Variants in MYB observed in about 807,000 individuals in gnomAD.
MYB encodes MYB proto-oncogene, transcription factor, also known as transcriptional activator Myb.
MYB carries 28 observed loss-of-function variants against 92.9 expected under a neutral mutation model. That is an observed-to-expected ratio of 0.30 (90% CI 0.22 to 0.41). MYB has a LOEUF of 0.41. Ranked by LOEUF, MYB falls within the 10% of genes least tolerant of loss-of-function variation. MYB has a pLI of 1.00. For missense variants in MYB, 679 were observed against 929.3 expected (o/e 0.73, Z 3.50); for synonymous variants, 295 against 329.1 (o/e 0.90, Z 1.12).
At chr6:135,189,642 T>A in intron 3 of MYB, 149 bp from the exon 4 acceptor site, 1 of 613,936 alleles carries the variant, frequency 1.6e-6, no homozygotes, top group Non-Finnish European at 2.8e-6. Context: ...AGCCTGTAAG[T>A]AATGAGGGAT....
intron 15 of MYB, among the ~76,000 whole-genome samples, chr6:135,213,004 G>A (rs776104631): frequency 6.6e-5 from 10 of 152,012 alleles, no homozygotes; most frequent in Admixed American, 2.0e-4. Context: ...TGACTTTCAC[G>A]ACATAGGCAT....
chr6:135,195,673 T>C, intron 8 of MYB, 75 bp from the exon 9 acceptor site: 1 of 1,523,696 alleles, frequency 6.6e-7, no homozygotes. Flanking sequence ...TGATACCTTG[T>C]GCAACTTCAT....
At chr6:135,185,153 ACT>A (rs1775748520) in intron 1 of MYB, among the ~76,000 whole-genome samples, 4 of 152,180 alleles carry the variant, frequency 2.6e-5, no homozygotes, top group Non-Finnish European at 5.9e-5. Context: ...AGTAAGTAAG[ACT>A]CTGACTAACA....
rs1040126247 is a variant in MYB, at chr6:135,202,823, G to A, written c.2062-394G>A. On this transcript the variant is annotated intron_variant, in intron 14 of 15. Coordinates refer to ENST00000341911, the MANE Select transcript of MYB (RefSeq NM_001130173.2). ...AATTCCCTACTTTTCACCATTTTTT[G>A]CCAATAATTTATAGCTCTAAAATAT... is the stretch of plus-strand genomic sequence containing the variant. 1.4e-5 allele frequency: 6 copies of A among 417,872 alleles called. No individual in the cohort carries two copies. The East Asian group carries it at 4.1e-4, about 29-fold the overall frequency. The allele number at this position is 417,872 out of a possible 1,614,324, so 25.9% of individuals were successfully genotyped here. A position where few individuals can be genotyped will look rare whatever the true frequency, so the allele number is the denominator to read the frequency against.
intron 15 of MYB, among the ~76,000 whole-genome samples, chr6:135,211,457 T>G (rs1779685732): frequency 6.6e-6 from 1 of 152,032 alleles, no homozygotes; most frequent in Non-Finnish European, 1.5e-5. Context: ...AATTTTTCAT[T>G]TGTTTTGTTT....
Position 135,200,082 on chromosome 6 carries a change from A to C in MYB, c.1710-3A>C. On this transcript the variant is annotated splice_region_variant and splice_polypyrimidine_tract_variant and intron_variant, in intron 11 of 15. Coordinates refer to ENST00000341911, the MANE Select transcript of MYB (RefSeq NM_001130173.2). ...TGAGCCACTGCTTGTTTTCTTTTTA[A>C]AGTTTTAGAACCCCAGCTATCAAAA... 1 of 1,611,076 alleles carries C rather than the reference A, an allele frequency of 6.2e-7. No individual in the cohort carries two copies. Among genetic ancestry groups the C allele is most frequent in the Non-Finnish European group, 8.5e-7 (1 of 1,177,342 alleles).
intron 15 of MYB, among the ~76,000 whole-genome samples, chr6:135,204,368 G>A (rs758785979): frequency 1.3e-5 from 2 of 152,216 alleles, no homozygotes; most frequent in East Asian, 1.9e-4. Context: ...GGGTGATCTC[G>A]GCTCACTGCA....
chr6:135,195,357 C>A, intron 8 of MYB: 1 of 177,528 alleles, frequency 5.6e-6, no homozygotes. Flanking sequence ...CCTGAGTCCT[C>A]TAGCTTTTTT....
Position 135,192,419 on chromosome 6 carries a change from C to T in MYB, c.623C>T (p.Pro208Leu). Residue 208 changes from proline to leucine, a missense_variant, in exon 6 of 16, where the codon CCA becomes CTA. This residue lies in a region of MYB where 37 missense variants were observed against 98.0 expected (regional missense o/e 0.38). Coordinates refer to ENST00000341911, the MANE Select transcript of MYB (RefSeq NM_001130173.2). ...CAGGAGTCTTCAAAAGCCAGCCAGC[C>T]AGCAGTGGCCACAAGCTTCCAGAAG... is the stretch of plus-strand genomic sequence containing the variant. ...YLQESSKASQ[P>L]AVATSFQKNS... 6.2e-7 allele frequency: 1 copy of T among 1,614,226 alleles called. No individual in the cohort carries two copies. Among genetic ancestry groups the T allele is most frequent in the East Asian group, 2.2e-5 (1 of 44,888 alleles).
rs1476017235 is a variant in MYB at position 135,194,467 on chromosome 6, C to G, written c.948+7C>G. The stretch of plus-strand genomic sequence containing the variant: ...AGGACAGCAGGTGCTACCAGTAAGA[C>G]TGTCATCATGTGCTTGAATGAGGGG... On this transcript the variant is annotated splice_region_variant and intron_variant, in intron 8 of 15. Coordinates refer to ENST00000341911, the MANE Select transcript of MYB (RefSeq NM_001130173.2). The G allele has an allele frequency of 6.3e-7, 1 of 1,597,542 alleles. No individual in the cohort carries two copies. The highest frequency in any genetic ancestry group is 1.3e-5 in the African/African-American group (1 of 74,412).
chr6:135,203,597 G>A, intron 15 of MYB: 3 of 812,720 alleles, frequency 3.7e-6, no homozygotes, highest in South Asian at 1.8e-5. Flanking sequence ...CTGTGACTGA[G>A]ACTAAGATGT....
chr6:135,208,595 G>A (rs1166030392), intron 15 of MYB, among the ~76,000 whole-genome samples: 1 of 147,588 alleles, frequency 6.8e-6, no homozygotes, highest in Non-Finnish European at 1.5e-5. Flanking sequence ...TGCCCAGCCT[G>A]GCCTCAAACT....
chr6:135,181,645 G>A lies in MYB; in HGVS notation c.23+109G>A. 1 of 793,636 alleles carries A rather than the reference G, an allele frequency of 1.3e-6. No homozygotes were observed. Among genetic ancestry groups the A allele is most frequent in the Admixed American group, 5.1e-5 (1 of 19,550 alleles). The allele number at this position is 793,636 out of a possible 1,614,324, so 49.2% of individuals were successfully genotyped here. ...TCGTTCCGGGATCATCTGAGGGGCT[G>A]TCAGACCCTCCGAGGACCTGGAGCC... On this transcript the variant is annotated intron_variant, in intron 1 of 15. Transcript: ENST00000341911. This position sits in a 1 kb window ranked among gnomAD's most constrained non-coding sequence, Gnocchi z 5.3.
chr6:135,191,706 C>T (rs367639205), intron 5 of MYB, among the ~76,000 whole-genome samples: 3 of 152,116 alleles, frequency 2.0e-5, no homozygotes, highest in Admixed American at 6.5e-5. Context: ...AGTAAAAATG[C>T]GTTGCCTTTT....
In MYB at chr6:135,190,003, A is replaced by G. The variant is rs1049638228; in HGVS notation, c.306+120A>G. 20 of 1,396,918 alleles carry G rather than the reference A, an allele frequency of 1.4e-5. No individual in the cohort carries two copies. The highest frequency in any genetic ancestry group is 4.3e-5 in the African/African-American group (3 of 69,144). 86.5% of individuals were successfully genotyped at this position (1,396,918 alleles called of 1,614,324 possible). On this transcript the variant is annotated intron_variant, in intron 4 of 15. Transcript: ENST00000341911. The surrounding 1 kb of genome is among the most constrained non-coding windows in gnomAD (Gnocchi z 4.5). ...ACAGGAAGTAGAGGACTCTATTCCC[A>G]TATTTCCAGTGAATGAAAGCAAATT...
chr6:135,196,484 G>A (rs116752298), intron 9 of MYB, among the ~76,000 whole-genome samples: 1,715 of 152,170 alleles, frequency 0.011, 29 homozygotes, highest in African/African-American at 0.033. Flanking sequence ...GTAATAATCA[G>A]CTCCTTGGTC....
At chr6:135,187,415 G>A (rs1562364817) in intron 2 of MYB, among the ~76,000 whole-genome samples, 1 of 152,128 alleles carries the variant, frequency 6.6e-6, no homozygotes, top group East Asian at 1.9e-4. Flanking sequence ...TCCTAACAGA[G>A]TAAAGCAGTT....
rs762033472 is a variant in MYB at position 135,187,904 on chromosome 6, C to T, written c.212C>T (p.Pro71Leu). 29 of 1,604,332 alleles carry T rather than the reference C, an allele frequency of 1.8e-5. No individual in the cohort carries two copies. The highest frequency in any genetic ancestry group is 2.4e-5 in the Non-Finnish European group (28 of 1,173,320). The change falls in exon 3 of 16, where the codon CCG (proline) becomes CTG (leucine). Residue 71 changes from proline to leucine, a missense_variant and splice_region_variant. By Grantham distance (98) the Pro-to-Leu change is moderately conservative. This residue lies in a region of MYB where 88 missense variants were observed against 145.6 expected (regional missense o/e 0.60). Coordinates refer to ENST00000341911, the MANE Select transcript of MYB (RefSeq NM_001130173.2). ...TGGAAAGTTATTGCCAATTATCTCC[C>T]GGTAAGTTAGTAAGTTTTTCTTATA... ...DDWKVIANYLPNRTDVQCQHR... is the reference protein window; with the variant it reads ...DDWKVIANYLLNRTDVQCQHR...
intron 3 of MYB, 137 bp from the exon 4 acceptor site, chr6:135,189,654 G>A (rs1776387381): frequency 3.0e-6 from 2 of 659,026 alleles, no homozygotes; most frequent in Non-Finnish European, 5.2e-6. Context: ...ATGAGGGATA[G>A]ATGGGCTCTA....
Sources: allele counts gnomAD v4.1 joint callset (sites outside exome capture counted in the v4.1 genomes callset), GRCh38; gene constraint gnomAD v4.1.1; regional missense constraint gnomAD v4.1.1; non-coding constraint Gnocchi (gnomAD v3.1); transcripts MANE v1.5; gene names NCBI Gene and HGNC (gene_info 2026-07-23, HGNC 2026-07-21).